ST6GAL1: variants seen among roughly 807,000 people sequenced by gnomAD.
The protein encoded by ST6GAL1 is ST6 beta-galactoside alpha-2,6-sialyltransferase 1, also known as beta-galactoside alpha-2,6-sialyltransferase 1.
A neutral mutation model predicts 38.0 loss-of-function variants in ST6GAL1; 20 were observed. The observed-to-expected ratio is 0.53, with a 90% CI of 0.37 to 0.77. ST6GAL1 has a LOEUF of 0.77. Among genes scored for constraint, ST6GAL1 ranks in the 30% least tolerant of loss-of-function variants. ST6GAL1 has a pLI of 0.00. For missense variants in ST6GAL1, 432 were observed against 496.4 expected (o/e 0.87, Z 1.23); for synonymous variants, 196 against 188.2 (o/e 1.04, Z -0.34).
intron 2 of ST6GAL1, among the ~76,000 whole-genome samples, chr3:187,002,663 T>C (rs1231572162): frequency 6.6e-6 from 1 of 152,220 alleles, no homozygotes; most frequent in Non-Finnish European, 1.5e-5. Flanking sequence ...GAAAGTTGTG[T>C]GATTTGTCTG....
chr3:186,940,646 A>T (rs562281412), intron 1 of ST6GAL1, among the ~76,000 whole-genome samples: 1 of 152,164 alleles, frequency 6.6e-6, no homozygotes, highest in Non-Finnish European at 1.5e-5. Context: ...AGTGTATTTT[A>T]TGTGTGGCCC....
chr3:187,052,539 C>T lies in ST6GAL1; in HGVS notation c.705+1193C>T, dbSNP rs57399364. Among the ~76,000 whole-genome samples, 655 of 152,254 alleles carry T rather than the reference C, an allele frequency of 4.3e-3. 8 individuals are homozygous for T. The highest frequency in any genetic ancestry group is 0.015 in the African/African-American group (628 of 41,534). On this transcript the variant is annotated intron_variant, in intron 5 of 7. Transcript: ENST00000169298. ...TTCAACTCCCACCTGTGAGTGAGAA[C>T]ATGCGGTGTTTGGTTTTCTGTCCTT...
chr3:187,013,939 A>G (rs956357496), intron 2 of ST6GAL1, among the ~76,000 whole-genome samples: 1 of 152,212 alleles, frequency 6.6e-6, no homozygotes, highest in African/African-American at 2.4e-5. Flanking sequence ...AGCCAAAGAT[A>G]AATACTGATT....
intron 1 of ST6GAL1, among the ~76,000 whole-genome samples, chr3:186,957,716 A>G (rs983188266): frequency 3.9e-5 from 6 of 152,230 alleles, no homozygotes; most frequent in Non-Finnish European, 5.9e-5. Flanking sequence ...ATATATAACA[A>G]TAGAAATATG....
intron 2 of ST6GAL1, among the ~76,000 whole-genome samples, chr3:186,985,649 C>T (rs1222907269): frequency 6.6e-6 from 1 of 151,238 alleles, no homozygotes; most frequent in African/African-American, 2.4e-5. Context: ...GTGGAGCATG[C>T]CTATAGTCCC....
intron 4 of ST6GAL1, among the ~76,000 whole-genome samples, chr3:187,049,110 C>T (rs1467056942): frequency 2.0e-5 from 3 of 152,070 alleles, no homozygotes; most frequent in Non-Finnish European, 4.4e-5. Flanking sequence ...AGGCTGATGT[C>T]GAACTCCTGA....
chr3:186,968,486 CT>C (rs1194321721), intron 2 of ST6GAL1, among the ~76,000 whole-genome samples: 3 of 152,188 alleles, frequency 2.0e-5, no homozygotes, highest in African/African-American at 7.2e-5. Context: ...ACGATTACCC[CT>C]AAAAGTGTCC....
At chr3:186,998,577 G>A (rs894140063) in intron 2 of ST6GAL1, among the ~76,000 whole-genome samples, 7 of 152,136 alleles carry the variant, frequency 4.6e-5, no homozygotes, top group African/African-American at 1.4e-4. Flanking sequence ...GGGCGAGGGG[G>A]AGGCAGGAGA....
At chr3:187,036,546 C>T (rs1717937901) in intron 2 of ST6GAL1, among the ~76,000 whole-genome samples, 1 of 152,152 alleles carries the variant, frequency 6.6e-6, no homozygotes, top group Non-Finnish European at 1.5e-5. Flanking sequence ...GGTACATATA[C>T]ACTGTGGAAT....
chr3:187,047,173 C>T (rs529115682), intron 4 of ST6GAL1, among the ~76,000 whole-genome samples: 16 of 151,840 alleles, frequency 1.1e-4, no homozygotes, highest in Middle Eastern at 3.5e-3. Context: ...TCTCGATCTC[C>T]TGATCTCATG....
chr3:186,976,241 T>C (rs3864108), intron 2 of ST6GAL1, among the ~76,000 whole-genome samples: 122,784 of 152,008 alleles, frequency 0.81, 49,857 homozygotes, highest in Middle Eastern at 0.87. Context: ...GTTTACGCTC[T>C]CCTTTTATTC....
At chr3:186,960,935 C>T (rs541660305) in intron 1 of ST6GAL1, among the ~76,000 whole-genome samples, 2 of 151,502 alleles carry the variant, frequency 1.3e-5, no homozygotes, top group East Asian at 3.9e-4. Context: ...GCTTCCTCTC[C>T]TTCCATAGAG....
At chr3:187,014,436 TGGATG>T (rs1212223472) in intron 2 of ST6GAL1, among the ~76,000 whole-genome samples, 1 of 152,164 alleles carries the variant, frequency 6.6e-6, no homozygotes, top group Non-Finnish European at 1.5e-5. Flanking sequence ...TTGATTGACC[TGGATG>T]GATGTGGTCA....
In ST6GAL1 at chr3:186,930,838, AG is replaced by A. The variant is rs1434541930; in HGVS notation, c.-325+5del. The A allele has an allele frequency of 1.3e-5, 2 of 152,512 alleles. No homozygotes were observed. Among genetic ancestry groups the A allele is most frequent in the Non-Finnish European group, 2.9e-5 (2 of 68,328 alleles). The allele number at this position is 152,512 out of a possible 1,614,324, so 9.4% of individuals were successfully genotyped here. On this transcript the variant is annotated splice_donor_5th_base_variant and intron_variant, in intron 1 of 7. Transcript: ENST00000169298. Reference sequence around the variant, plus strand: ...TCCGCGGCCGAGAGTGCAGCGAGTGAGTAGGGGGTGCGGTGGGCGGCGGCGC... The same window carrying A: ...TCCGCGGCCGAGAGTGCAGCGAGTGATAGGGGGTGCGGTGGGCGGCGGCGC...
At chr3:187,019,513 T>C (rs1222345688) in intron 2 of ST6GAL1, among the ~76,000 whole-genome samples, 1 of 152,164 alleles carries the variant, frequency 6.6e-6, no homozygotes, top group African/African-American at 2.4e-5. Flanking sequence ...TAAAATGCAA[T>C]CCCTCTCTGG....
At chr3:186,966,882 C>G (rs564309907) in intron 2 of ST6GAL1, among the ~76,000 whole-genome samples, 1 of 152,280 alleles carries the variant, frequency 6.6e-6, no homozygotes, top group African/African-American at 2.4e-5. Context: ...CTCTGCAACT[C>G]GGGAAGAGAT....
intron 2 of ST6GAL1, among the ~76,000 whole-genome samples, chr3:187,011,916 G>C (rs2108559143): frequency 6.6e-6 from 1 of 152,292 alleles, no homozygotes; most frequent in East Asian, 1.9e-4. Context: ...TCGGAGGACT[G>C]GGTTGAATTT....
rs201211155 is a variant in ST6GAL1, at chr3:186,937,180, C to T, written c.-325+6346C>T. 5.9e-5 allele frequency among the ~76,000 whole-genome samples: 9 copies of T among 152,078 alleles called. No individual in the cohort carries two copies. In the East Asian group the frequency reaches 1.2e-3, roughly 20 times the overall value. ...TTCTTGCTTAACCTTCCCATATATA[C>T]ATTTCATGGTTAACATTGCATTAAA... On this transcript the variant is annotated intron_variant, in intron 1 of 7. Transcript: ENST00000169298.
chr3:187,033,514 A>G (rs1008940525), intron 2 of ST6GAL1, among the ~76,000 whole-genome samples: 2 of 152,250 alleles, frequency 1.3e-5, no homozygotes, highest in Admixed American at 1.3e-4. Flanking sequence ...CATTTTTTCT[A>G]GACAGTTGGA....
Sources: gnomAD v4.1 joint callset for allele counts (sites outside exome capture counted in the v4.1 genomes callset) on GRCh38, gnomAD v4.1.1 for gene constraint, MANE v1.5 for transcripts, NCBI Gene and HGNC (gene_info 2026-07-23, HGNC 2026-07-21) for gene names.